Variants in HIVEP3 observed in about 807,000 individuals in gnomAD.
HIVEP3 encodes transcription factor HIVEP3.
A neutral mutation model predicts 152.8 loss-of-function variants in HIVEP3; 49 were observed. The observed-to-expected ratio is 0.32, with a 90% CI of 0.26 to 0.41. The LOEUF is 0.41. HIVEP3 is among the 10% of genes least tolerant of loss of function. HIVEP3 has a pLI of 1.00. For synonymous variants in HIVEP3, 1,269 were observed against 1,289.0 expected, an observed-to-expected ratio of 0.98 and a Z score of 0.33; for missense variants, 2,790 against 3,103.3, an observed-to-expected ratio of 0.90 and a Z score of 2.40.
At chr1:41,708,272 G>C (rs1646463630) in intron 1 of HIVEP3, among the ~76,000 whole-genome samples, 1 of 152,224 alleles carries the variant, frequency 6.6e-6, no homozygotes, top group African/African-American at 2.4e-5. Flanking sequence ...GTCAATCTCT[G>C]CTCTGTCTCT....
At chr1:41,895,477 C>A (rs1268238458) in intron 1 of HIVEP3, among the ~76,000 whole-genome samples, 1 of 152,200 alleles carries the variant, frequency 6.6e-6, no homozygotes, top group Admixed American at 6.5e-5. Context: ...CTTAGGTTAA[C>A]CAAAAAGCAG....
intron 2 of HIVEP3, among the ~76,000 whole-genome samples, chr1:41,684,272 T>A (rs1047924422): frequency 4.6e-5 from 7 of 152,192 alleles, no homozygotes; most frequent in African/African-American, 1.7e-4. Context: ...GCCTGCTGGA[T>A]TCCAGGTCAC....
chr1:41,588,318 G>A (rs1266927959), intron 3 of HIVEP3, among the ~76,000 whole-genome samples: 1 of 152,158 alleles, frequency 6.6e-6, no homozygotes, highest in Non-Finnish European at 1.5e-5. Context: ...ACCAGCTAGT[G>A]GTAAGCTTTG....
intron 1 of HIVEP3, among the ~76,000 whole-genome samples, chr1:41,978,366 G>C (rs1181435660): frequency 2.0e-5 from 3 of 152,132 alleles, no homozygotes; most frequent in Non-Finnish European, 4.4e-5. Flanking sequence ...CTTTAAAGAG[G>C]TAATTAAGGT....
intron 5 of HIVEP3, among the ~76,000 whole-genome samples, chr1:41,560,229 A>G (rs937054117): frequency 6.6e-6 from 1 of 152,234 alleles, no homozygotes; most frequent in Non-Finnish European, 1.5e-5. Context: ...CACTATGATT[A>G]TTCTCATTTT....
chr1:41,765,692 T>C (rs1268913462), intron 1 of HIVEP3, among the ~76,000 whole-genome samples: 1 of 152,200 alleles, frequency 6.6e-6, no homozygotes, highest in Non-Finnish European at 1.5e-5. Flanking sequence ...GTCTACCCTA[T>C]ATATTATCAC....
chr1:41,617,652 AAC>A (rs1644988634), intron 3 of HIVEP3, among the ~76,000 whole-genome samples: 1 of 152,366 alleles, frequency 6.6e-6, no homozygotes, highest in African/African-American at 2.4e-5. Flanking sequence ...AGGAGATATC[AAC>A]AGTGTTTCCT....
chr1:41,663,129 C>T (rs1028591054), intron 2 of HIVEP3, among the ~76,000 whole-genome samples: 8 of 152,366 alleles, frequency 5.3e-5, no homozygotes, highest in Admixed American at 1.3e-4. Context: ...CAGTTCCCAG[C>T]CAGGCCTCCA....
intron 1 of HIVEP3, among the ~76,000 whole-genome samples, chr1:41,723,089 A>G (rs1482835551): frequency 6.6e-6 from 1 of 152,180 alleles, no homozygotes; most frequent in Non-Finnish European, 1.5e-5. Flanking sequence ...TGACGTGACC[A>G]GGTTTGTGTT....
intron 1 of HIVEP3, among the ~76,000 whole-genome samples, chr1:41,859,625 G>A (rs920585877): frequency 3.3e-5 from 5 of 152,128 alleles, no homozygotes; most frequent in Non-Finnish European, 2.9e-5. Flanking sequence ...GATTTTTAAG[G>A]CTTTTTAACA....
intron 1 of HIVEP3, among the ~76,000 whole-genome samples, chr1:41,924,867 G>A (rs564635251): frequency 8.3e-4 from 126 of 152,240 alleles, no homozygotes; most frequent in Admixed American, 2.5e-3. Flanking sequence ...AATATCTGAA[G>A]CCATTGATCA....
rs770067755 is a variant in HIVEP3, at chr1:41,584,023, A to G, written c.775T>C (p.Tyr259His). 1.2e-5 allele frequency: 20 copies of G among 1,614,048 alleles called. No individual in the cohort carries two copies. Among genetic ancestry groups the G allele is most frequent in the Admixed American group, 3.3e-5 (2 of 60,010 alleles). ...GLASGMGGEM[Y>H]PHGLEMERIP... is the part of the protein sequence containing the mutation. The stretch of plus-strand genomic sequence containing the variant: ...CGCTCCATCTCCAGCCCATGTGGGT[A>G]CATCTCGCCACCCATGCCTGAGGCC... Residue 259 changes from tyrosine (Y) to histidine (H), a missense_variant, in exon 4 of 9, where the codon TAC (tyrosine) becomes CAC (histidine). Tyr to His is a moderately conservative substitution (Grantham distance 83). Around this residue, in one of 9 missense-constraint regions of HIVEP3, gnomAD observed 125 missense variants for 130.1 expected, o/e 0.96. Transcript: ENST00000372583. This position sits in a 1 kb window ranked among gnomAD's most constrained non-coding sequence, Gnocchi z 5.2.
chr1:41,669,539 T>C (rs1359161858), intron 2 of HIVEP3, among the ~76,000 whole-genome samples: 1 of 152,156 alleles, frequency 6.6e-6, no homozygotes, highest in Non-Finnish European at 1.5e-5. Flanking sequence ...CTTCATCCAA[T>C]CTACTGAAGA....
Position 41,510,601 on chromosome 1 carries a change from G to A in HIVEP3, c.7071C>T (p.Cys2357=). The A allele has an allele frequency of 6.4e-7, 1 of 1,555,742 alleles. No individual in the cohort carries two copies. The highest frequency in any genetic ancestry group is 8.7e-7 in the Non-Finnish European group (1 of 1,150,356). ...GGAAGCGGGCAGAGGCCTCTGCCAG[G>A]CAGCCCACAGAGCTGCTGCGGTCCA... ...PPLDRSSSVG[C]LAEASARFPA... is the part of the protein sequence containing the mutation. The change falls in exon 9 of 9, where the codon TGC becomes TGT. Residue 2357 remains cysteine, a synonymous_variant. Transcript: ENST00000372583.
intron 2 of HIVEP3, among the ~76,000 whole-genome samples, chr1:41,644,854 A>G (rs1351416098): frequency 1.3e-5 from 2 of 152,088 alleles, no homozygotes; most frequent in African/African-American, 4.8e-5. Flanking sequence ...ATTATACCAC[A>G]GCTGGCCCAG....
chr1:41,515,626 C>T (rs190797676), intron 7 of HIVEP3, among the ~76,000 whole-genome samples: 3 of 152,272 alleles, frequency 2.0e-5, no homozygotes, highest in South Asian at 2.1e-4. Context: ...GGTTTACAGC[C>T]CTTGCATTAT....
chr1:41,750,699 T>C (rs1250029736), intron 1 of HIVEP3, among the ~76,000 whole-genome samples: 2 of 101,294 alleles, frequency 2.0e-5, no homozygotes, highest in Non-Finnish European at 4.4e-5. Flanking sequence ...CCAAGCCCAG[T>C]GCACTTTTTT....
chr1:41,707,765 G>T (rs1390642789), intron 1 of HIVEP3, among the ~76,000 whole-genome samples: 1 of 152,208 alleles, frequency 6.6e-6, no homozygotes, highest in African/African-American at 2.4e-5. Context: ...TGTAGAAAAG[G>T]AAAATGAAAG....
At chr1:41,908,029 C>T (rs1644741789) in intron 1 of HIVEP3, among the ~76,000 whole-genome samples, 1 of 151,962 alleles carries the variant, frequency 6.6e-6, no homozygotes, top group South Asian at 2.1e-4. Context: ...TAGGAGGGTA[C>T]AACTCTGGCC....
Sources: allele counts gnomAD v4.1 joint callset (sites outside exome capture counted in the v4.1 genomes callset), GRCh38; gene constraint gnomAD v4.1.1; regional missense constraint gnomAD v4.1.1; non-coding constraint Gnocchi (gnomAD v3.1); transcripts MANE v1.5; gene names NCBI Gene and HGNC (gene_info 2026-07-23, HGNC 2026-07-21).